The following FARP1 variants were observed in gnomAD, a reference collection of about 807,000 sequenced individuals.
FARP1 encodes FERM, ARHGEF and pleckstrin domain-containing protein 1.
FARP1 carries 52 observed loss-of-function variants against 128.8 expected under a neutral mutation model. The observed-to-expected ratio is 0.40, with a 90% CI of 0.32 to 0.51. FARP1 has a LOEUF of 0.51. FARP1 is among the 20% of genes least tolerant of loss of function. The pLI is 0.45. For synonymous variants in FARP1, 580 were observed against 551.8 expected (o/e 1.05, Z -0.72); for missense variants, 1,333 against 1,367.9 (o/e 0.97, Z 0.40).
chr13:98,238,544 C>T (rs1466121889), intron 2 of FARP1, among the ~76,000 whole-genome samples: 1 of 152,172 alleles, frequency 6.6e-6, no homozygotes, highest in Non-Finnish European at 1.5e-5. Context: ...GCCTCACAAT[C>T]ATGGCAGAAG....
chr13:98,296,018 C>T (rs1384653172), intron 2 of FARP1, among the ~76,000 whole-genome samples: 1 of 152,200 alleles, frequency 6.6e-6, no homozygotes, highest in Non-Finnish European at 1.5e-5. Context: ...GCACATTAGC[C>T]TCACCTGGGG....
At position 98,390,805 on chromosome 13, in the gene FARP1, G is replaced by T. The variant is rs767635095; in HGVS notation, c.1020-7G>T. ...TCTCCCCTTCCCTGTTGTGGTCTCT[G>T]TTTCAGTGGTCGGACTCAGAAGCAG... On this transcript the variant is annotated splice_polypyrimidine_tract_variant and splice_region_variant and intron_variant, in intron 10 of 26. Coordinates refer to ENST00000319562, the MANE Select transcript of FARP1 (RefSeq NM_005766.4). The T allele has an allele frequency of 6.2e-7, 1 of 1,611,092 alleles. No individual in the cohort carries two copies. Among genetic ancestry groups the T allele is most frequent in the East Asian group, 2.2e-5 (1 of 44,852 alleles).
intron 2 of FARP1, among the ~76,000 whole-genome samples, chr13:98,273,959 T>G (rs1417769446): frequency 2.0e-5 from 3 of 152,170 alleles, no homozygotes; most frequent in Admixed American, 2.0e-4. Context: ...TAATCAGTTT[T>G]TGTTTAAAAA....
At chr13:98,169,586 C>T (rs994685597) in intron 1 of FARP1, among the ~76,000 whole-genome samples, 2 of 152,158 alleles carry the variant, frequency 1.3e-5, no homozygotes, top group African/African-American at 2.4e-5. Flanking sequence ...CAACAAGAAA[C>T]TTTAAGGCAT....
At chr13:98,149,634 C>T (rs994422468) in intron 1 of FARP1, among the ~76,000 whole-genome samples, 20 of 56,004 alleles carry the variant, frequency 3.6e-4, no homozygotes, top group African/African-American at 6.1e-4. Flanking sequence ...TGATATCTCA[C>T]TGTGGTTTTG....
At chr13:98,232,411 C>T (rs1378691629) in intron 2 of FARP1, among the ~76,000 whole-genome samples, 1 of 152,200 alleles carries the variant, frequency 6.6e-6, no homozygotes, top group Non-Finnish European at 1.5e-5. Context: ...CAAAGATCAT[C>T]TCCTTACAGA....
At chr13:98,351,456 C>A (rs537647123) in intron 3 of FARP1, among the ~76,000 whole-genome samples, 43 of 151,906 alleles carry the variant, frequency 2.8e-4, no homozygotes, top group African/African-American at 9.9e-4. Context: ...ACTAAAAATA[C>A]GAAAAATTAG....
chr13:98,412,023 A>G lies in FARP1; in HGVS notation c.1815A>G (p.Arg605=). The part of the protein sequence containing the change: ...HTNFLKEIEQ[R]LALWEGRSNA... ...ATTTTCTCAAGGAAATTGAGCAACG[A>G]CTTGCCCTGTGGTGAGTACATTTCT... The change falls in exon 16 of 27, where the codon CGA becomes CGG. Residue 605 remains arginine, a synonymous_variant. Coordinates refer to ENST00000319562, the MANE Select transcript of FARP1 (RefSeq NM_005766.4). 1 of 1,614,124 alleles carries G rather than the reference A, an allele frequency of 6.2e-7. No individual in the cohort carries two copies. The highest frequency in any genetic ancestry group is 8.5e-7 in the Non-Finnish European group (1 of 1,179,972).
intron 8 of FARP1, among the ~76,000 whole-genome samples, chr13:98,387,327 G>A (rs1890132980): frequency 6.6e-6 from 1 of 152,104 alleles, no homozygotes; most frequent in Non-Finnish European, 1.5e-5. Flanking sequence ...GCCAAGTGGA[G>A]TTTTGAGTAC....
intron 3 of FARP1, among the ~76,000 whole-genome samples, chr13:98,356,922 T>C (rs1888669311): frequency 6.6e-6 from 1 of 152,118 alleles, no homozygotes; most frequent in Non-Finnish European, 1.5e-5. Context: ...CATGAGCCAC[T>C]GAGCCCGGCC....
At chr13:98,225,436 G>T (rs1881699866) in intron 2 of FARP1, among the ~76,000 whole-genome samples, 1 of 152,118 alleles carries the variant, frequency 6.6e-6, no homozygotes, top group Non-Finnish European at 1.5e-5. Context: ...CCCATCACAC[G>T]AGGAGAACTC....
At chr13:98,274,179 T>C (rs1399000236) in intron 2 of FARP1, among the ~76,000 whole-genome samples, 1 of 152,182 alleles carries the variant, frequency 6.6e-6, no homozygotes, top group Non-Finnish European at 1.5e-5. Flanking sequence ...TTATTTTGTC[T>C]GTGTGATTGT....
At chr13:98,418,980 AC>A (rs1434157725) in intron 16 of FARP1, among the ~76,000 whole-genome samples, 2 of 152,136 alleles carry the variant, frequency 1.3e-5, no homozygotes, top group Non-Finnish European at 2.9e-5. Flanking sequence ...TAATTGACAG[AC>A]TTGAGGGTGG....
In FARP1 at chr13:98,453,131, A is replaced by G; in HGVS notation, c.*4814A>G. 4 of 1,609,798 alleles carry G rather than the reference A, an allele frequency of 2.5e-6. No homozygotes were observed. Among genetic ancestry groups the G allele is most frequent in the Non-Finnish European group, 3.4e-6 (4 of 1,176,910 alleles). On this transcript the variant is annotated 3_prime_UTR_variant, in exon 27 of 27. Transcript: ENST00000319562. Reference sequence around the variant, plus strand: ...CTTTTAAAAAAGGAGGAGGATGAAGAAGGAAAAAAGGAAAAACAAAACCCC... The same window carrying G: ...CTTTTAAAAAAGGAGGAGGATGAAGGAGGAAAAAAGGAAAAACAAAACCCC...
intron 1 of FARP1, among the ~76,000 whole-genome samples, chr13:98,174,145 A>C (rs1021392415): frequency 2.0e-5 from 3 of 152,248 alleles, no homozygotes; most frequent in African/African-American, 7.2e-5. Flanking sequence ...ACTCTATGTT[A>C]GTAAACCAAA....
At chr13:98,288,668 G>T (rs1885309757) in intron 2 of FARP1, among the ~76,000 whole-genome samples, 1 of 152,162 alleles carries the variant, frequency 6.6e-6, no homozygotes, top group African/African-American at 2.4e-5. Context: ...GATAGGTGCT[G>T]GAGGAGTCTC....
chr13:98,176,939 C>G lies in FARP1; in HGVS notation c.-24+33447C>G. The G allele has an allele frequency of 6.2e-7, 1 of 1,602,870 alleles. No homozygotes were observed. The highest frequency in any genetic ancestry group is 8.5e-7 in the Non-Finnish European group (1 of 1,179,900). On this transcript the variant is annotated intron_variant, in intron 1 of 26. Coordinates refer to ENST00000319562, the MANE Select transcript of FARP1 (RefSeq NM_005766.4). The surrounding 1 kb of genome is among the most constrained non-coding windows in gnomAD (Gnocchi z 6.2). ...ATGTCCTCTGGCCCCACAGGCTTCG[C>G]CGAGCGGGTGGACCTGTACACCACG...
At chr13:98,289,493 A>G (rs1198587228) in intron 2 of FARP1, among the ~76,000 whole-genome samples, 2 of 152,226 alleles carry the variant, frequency 1.3e-5, no homozygotes, top group Non-Finnish European at 2.9e-5. Flanking sequence ...CATGCAGTGA[A>G]CAATCTGTAA....
chr13:98,180,047 G>C (rs1878398830), intron 1 of FARP1, among the ~76,000 whole-genome samples: 1 of 152,240 alleles, frequency 6.6e-6, no homozygotes, highest in South Asian at 2.1e-4. Context: ...GGAAAGGCTA[G>C]GGAAAGGCTG....
Sources: gnomAD v4.1 joint callset for allele counts (sites outside exome capture counted in the v4.1 genomes callset) on GRCh38, gnomAD v4.1.1 for gene constraint, Gnocchi (gnomAD v3.1) non-coding constraint, MANE v1.5 for transcripts, NCBI Gene and HGNC (gene_info 2026-07-23, HGNC 2026-07-21) for gene names.